PLEKHM3: variants seen among roughly 807,000 people sequenced by gnomAD.
PLEKHM3 encodes pleckstrin homology domain-containing family M member 3.
Under a neutral mutation model 81.8 loss-of-function variants are expected in PLEKHM3, and 45 were observed. The ratio of observed to expected loss-of-function variants is 0.55; its 90% CI spans 0.43 to 0.71. The LOEUF (loss-of-function observed/expected upper bound fraction) is 0.71. Among genes scored for constraint, PLEKHM3 ranks in the 30% least tolerant of loss-of-function variants. PLEKHM3 has a pLI of 0.00. For synonymous variants in PLEKHM3, 352 were observed against 356.4 expected (o/e 0.99, Z 0.14); for missense variants, 788 against 924.3 (o/e 0.85, Z 1.91).
In PLEKHM3 at chr2:207,828,315, G is replaced by A. The variant is rs2092264458; in HGVS notation, c.*4C>T. On this transcript the variant is annotated 3_prime_UTR_variant, in exon 8 of 8. Transcript: ENST00000427836. ...TGAATCCCTGGCCTTCGGGTCGGCTGGAGTCAGGTGTTCTGGTAGGACAGC... is the reference window on the plus strand; with the variant it reads ...TGAATCCCTGGCCTTCGGGTCGGCTAGAGTCAGGTGTTCTGGTAGGACAGC... The A allele has an allele frequency of 1.2e-6, 2 of 1,604,796 alleles. No individual in the cohort carries two copies. Among genetic ancestry groups the A allele is most frequent in the African/African-American group, 2.7e-5 (2 of 74,754 alleles).
chr2:207,899,229 T>C (rs1180621898), intron 6 of PLEKHM3, among the ~76,000 whole-genome samples: 13 of 152,192 alleles, frequency 8.5e-5, no homozygotes, highest in African/African-American at 3.1e-4. Context: ...CCCTCAAACA[T>C]CTGAATAGAT....
intron 2 of PLEKHM3, among the ~76,000 whole-genome samples, chr2:207,994,066 A>G (rs554949823): frequency 1.3e-5 from 2 of 152,334 alleles, no homozygotes; most frequent in South Asian, 4.1e-4. Context: ...AGATAATTTA[A>G]CCTGCCTCAG....
intron 4 of PLEKHM3, among the ~76,000 whole-genome samples, chr2:207,931,926 T>A (rs914382916): frequency 6.6e-6 from 1 of 152,196 alleles, no homozygotes; most frequent in Non-Finnish European, 1.5e-5. Context: ...TGTGCCCAGA[T>A]CATGCCACTG....
intron 2 of PLEKHM3, among the ~76,000 whole-genome samples, chr2:207,984,552 T>C (rs1475604263): frequency 6.6e-6 from 1 of 152,220 alleles, no homozygotes; most frequent in African/African-American, 2.4e-5. Context: ...AGCTGGTTTT[T>C]GTATTTTTAG....
At chr2:207,932,424 C>T (rs762935622) in intron 4 of PLEKHM3, among the ~76,000 whole-genome samples, 1 of 152,016 alleles carries the variant, frequency 6.6e-6, no homozygotes, top group Non-Finnish European at 1.5e-5. Flanking sequence ...GAAGATAAAA[C>T]CTCTCTAAAA....
At chr2:207,848,131 A>G (rs2127685) in intron 7 of PLEKHM3, among the ~76,000 whole-genome samples, 98,184 of 152,086 alleles carry the variant, frequency 0.65, 32,281 homozygotes, top group African/African-American at 0.73. Context: ...TCACAAAAAC[A>G]AAGGCCGAGC....
chr2:207,954,298 A>C (rs1007823215), intron 3 of PLEKHM3, among the ~76,000 whole-genome samples: 1 of 152,188 alleles, frequency 6.6e-6, no homozygotes, highest in African/African-American at 2.4e-5. Context: ...CGAGGGTTCA[A>C]TGAGCTATTA....
chr2:207,975,749 A>ACG (rs1691287063), intron 3 of PLEKHM3, among the ~76,000 whole-genome samples: 1 of 151,696 alleles, frequency 6.6e-6, no homozygotes, highest in Non-Finnish European at 1.5e-5. Flanking sequence ...AGCACCCACC[A>ACG]CCAAGCCTGA....
intron 6 of PLEKHM3, among the ~76,000 whole-genome samples, chr2:207,891,983 G>T (rs1279235935): frequency 6.6e-6 from 1 of 152,154 alleles, no homozygotes; most frequent in African/African-American, 2.4e-5. Context: ...AACATAAAAT[G>T]GTACCCTCTT....
intron 5 of PLEKHM3, among the ~76,000 whole-genome samples, chr2:207,911,382 C>T (rs1030952705): frequency 6.6e-6 from 1 of 152,120 alleles, no homozygotes; most frequent in Non-Finnish European, 1.5e-5. Flanking sequence ...ATGTCCTTAC[C>T]TTCATACCCT....
chr2:207,882,169 C>A (rs1234556223), intron 6 of PLEKHM3, among the ~76,000 whole-genome samples: 1 of 152,182 alleles, frequency 6.6e-6, no homozygotes, highest in Non-Finnish European at 1.5e-5. Flanking sequence ...GGGGAATGGG[C>A]AGCTTTAGAA....
At chr2:207,893,392 A>G (rs1239632051) in intron 6 of PLEKHM3, among the ~76,000 whole-genome samples, 1 of 152,208 alleles carries the variant, frequency 6.6e-6, no homozygotes, top group Admixed American at 6.5e-5. Flanking sequence ...GTGGTCAACA[A>G]TTTGTTAAAT....
In PLEKHM3 at chr2:207,891,800, G is replaced by GC. The variant is rs151070093; in HGVS notation, c.1950+16713dup. Among the ~76,000 whole-genome samples, 449 of 152,160 alleles carry GC rather than the reference G, an allele frequency of 3.0e-3. 1 individual carries two copies. The highest frequency in any genetic ancestry group is 0.01 in the African/African-American group (426 of 41,514). Reference sequence around the variant, plus strand: ...CCATATTTATGAGGCACTTTTTCTTGCCCAGGCACTGCTCCTAGGATTGGG... The same window carrying GC: ...CCATATTTATGAGGCACTTTTTCTTGCCCCAGGCACTGCTCCTAGGATTGGG... On this transcript the variant is annotated intron_variant, in intron 6 of 7. Transcript: ENST00000427836.
intron 6 of PLEKHM3, among the ~76,000 whole-genome samples, chr2:207,889,553 T>C (rs1687989647): frequency 6.6e-6 from 1 of 151,400 alleles, no homozygotes; most frequent in Non-Finnish European, 1.5e-5. Context: ...CTATAATTTA[T>C]GGAAAGATGG....
chr2:207,885,273 T>C (rs1422383093), intron 6 of PLEKHM3, among the ~76,000 whole-genome samples: 1 of 152,198 alleles, frequency 6.6e-6, no homozygotes, highest in Non-Finnish European at 1.5e-5. Context: ...TAACAGATCT[T>C]CCCTGACTAA....
intron 3 of PLEKHM3, among the ~76,000 whole-genome samples, chr2:207,957,190 A>C (rs1185764296): frequency 6.6e-6 from 1 of 152,202 alleles, no homozygotes; most frequent in East Asian, 1.9e-4. Flanking sequence ...ATAGTTCAAA[A>C]AATTTGAGCT....
chr2:207,887,235 C>T (rs565168721), intron 6 of PLEKHM3, among the ~76,000 whole-genome samples: 3 of 152,130 alleles, frequency 2.0e-5, no homozygotes, highest in Non-Finnish European at 4.4e-5. Context: ...AATTCTTTTG[C>T]TGATGTAAAT....
intron 2 of PLEKHM3, among the ~76,000 whole-genome samples, chr2:207,978,506 A>G (rs1027404533): frequency 2.0e-5 from 3 of 152,134 alleles, no homozygotes; most frequent in African/African-American, 7.2e-5. Context: ...AATAGGAGCG[A>G]GCATAAAATG....
At chr2:207,890,425 C>A (rs1021351503) in intron 6 of PLEKHM3, among the ~76,000 whole-genome samples, 1 of 152,058 alleles carries the variant, frequency 6.6e-6, no homozygotes, top group African/African-American at 2.4e-5. Context: ...GTCAGGAGTT[C>A]GAGACCAGCC....
Sources: gnomAD v4.1 joint callset for allele counts (sites outside exome capture counted in the v4.1 genomes callset) on GRCh38, gnomAD v4.1.1 for gene constraint, MANE v1.5 for transcripts, NCBI Gene and HGNC (gene_info 2026-07-23, HGNC 2026-07-21) for gene names.